SRGAP2: variants seen among roughly 807,000 people sequenced by gnomAD.
SRGAP2 encodes the protein SLIT-ROBO Rho GTPase activating protein 2.
A neutral mutation model predicts 57.2 loss-of-function variants in SRGAP2; 15 were observed. The ratio of observed to expected loss-of-function variants is 0.26; its 90% CI spans 0.18 to 0.40. SRGAP2 has a LOEUF of 0.40. Ranked by LOEUF, SRGAP2 falls within the 10% of genes least tolerant of loss-of-function variation. The pLI is 1.00. For synonymous variants in SRGAP2, 249 were observed against 248.0 expected (o/e 1.00, Z -0.04); for missense variants, 520 against 669.6 (o/e 0.78, Z 2.47).
rs781925834 is a variant in SRGAP2, at chr1:206,461,018, C to T, written c.2833-19C>T. 1 of 676,956 alleles carries T rather than the reference C, an allele frequency of 1.5e-6. No individual in the cohort carries two copies. The highest frequency in any genetic ancestry group is 2.7e-6 in the Non-Finnish European group (1 of 368,452). 41.9% of individuals were successfully genotyped at this position (676,956 alleles called of 1,614,324 possible). A position where few individuals can be genotyped will look rare whatever the true frequency, so the allele number is the denominator to read the frequency against. On this transcript the variant is annotated intron_variant, in intron 22 of 22. Coordinates refer to ENST00000573034, the MANE Select transcript of SRGAP2 (RefSeq NM_015326.5). ...TCTCCCCTCATTTGCCTCACCTCCT[C>T]CTTTTTCCTGTTTTGCAGGATATTG...
chr1:206,216,445 T>A (rs1227201117), intron 2 of SRGAP2, among the ~76,000 whole-genome samples: 13 of 151,386 alleles, frequency 8.6e-5, no homozygotes, highest in East Asian at 5.9e-4. Flanking sequence ...TTGAGAAAGT[T>A]TGTCTGTCTT....
intron 3 of SRGAP2, among the ~76,000 whole-genome samples, chr1:206,310,170 GT>G (rs1238371935): frequency 6.7e-6 from 1 of 149,242 alleles, no homozygotes; most frequent in African/African-American, 2.6e-5. Context: ...AAATTGCTGG[GT>G]TTTTTTGTAA....
intron 14 of SRGAP2, 43 bp from the exon 15 acceptor site, chr1:206,436,922 T>G: frequency 1.3e-6 from 1 of 780,318 alleles, no homozygotes. Flanking sequence ...TGCTTGTGAA[T>G]TTGCTTTTTC....
rs868982984 is a variant in SRGAP2 at position 206,378,863 on chromosome 1, T to G, written c.424-5151T>G. 4.5e-4 allele frequency among the ~76,000 whole-genome samples: 68 copies of G among 152,142 alleles called. 1 individual carries two copies. Among genetic ancestry groups the G allele is most frequent in the Middle Eastern group, 3.2e-3 (1 of 316 alleles). ...CAAGAACCCACCAGAAGGAACCAAC[T>G]CCGGACACATAAGTACTTTTATTAT... is the stretch of plus-strand genomic sequence containing the variant. On this transcript the variant is annotated intron_variant, in intron 4 of 22. Transcript: ENST00000573034.
intron 14 of SRGAP2, among the ~76,000 whole-genome samples, chr1:206,434,420 T>C (rs2103306738): frequency 6.6e-6 from 1 of 152,378 alleles, no homozygotes; most frequent in Admixed American, 6.5e-5. Context: ...TTGGATCCCG[T>C]GCACAATGGA....
Position 206,461,100 on chromosome 1 carries a change from G to A in SRGAP2, c.2896G>A (p.Val966Ile). Residue 966 changes from valine (V) to isoleucine (I), a missense_variant, in exon 23 of 23, where the codon GTC (valine) becomes ATC (isoleucine). By Grantham distance (29) the Val-to-Ile change is conservative. This residue lies in a region of SRGAP2 where 478 missense variants were observed against 373.6 expected (regional missense o/e 1.28). Transcript: ENST00000573034. The stretch of plus-strand genomic sequence containing the variant: ...ACGGGAACTAGAACGGCAGAGCAGT[G>A]TCAAACACACCCCTGACGTGGTTCT... ...ELRELERQSS[V>I]KHTPDVVLDT... 1.3e-6 allele frequency: 1 copy of A among 775,342 alleles called. No individual in the cohort carries two copies. Among genetic ancestry groups the A allele is most frequent in the Admixed American group, 1.7e-5 (1 of 58,496 alleles). 48.0% of individuals were successfully genotyped at this position (775,342 alleles called of 1,614,324 possible). A position where few individuals can be genotyped will look rare whatever the true frequency, so the allele number is the denominator to read the frequency against.
intron 2 of SRGAP2, among the ~76,000 whole-genome samples, chr1:206,227,065 CCT>C (rs1667317798): frequency 1.3e-5 from 2 of 151,918 alleles, no homozygotes; most frequent in African/African-American, 4.8e-5. Context: ...CATTGGGGAA[CCT>C]CTTGGGCTCT....
chr1:206,410,302 ATCT>A (rs1259775268), intron 10 of SRGAP2, among the ~76,000 whole-genome samples: 3 of 152,116 alleles, frequency 2.0e-5, no homozygotes, highest in Middle Eastern at 3.2e-3. Flanking sequence ...ATGTTTCCTG[ATCT>A]TCTTGGCTTT....
rs201058533 is a variant in SRGAP2, at chr1:206,414,029, C to CTTT, written c.1357-1859_1357-1857dup. 8.0e-4 allele frequency among the ~76,000 whole-genome samples: 116 copies of CTTT among 145,140 alleles called. 2 individuals carry two copies. The highest frequency in any genetic ancestry group is 1.9e-3 in the African/African-American group (70 of 37,766). ...ATTTGTTCACTTTTCTTTTCTTTTT[C>CTTT]TTTCTTTTTTTTTTTTTTTTGAGAC... On this transcript the variant is annotated intron_variant, in intron 10 of 22. Coordinates refer to ENST00000573034, the MANE Select transcript of SRGAP2 (RefSeq NM_015326.5).
At chr1:206,394,273 C>T (rs1229226234) in intron 7 of SRGAP2, among the ~76,000 whole-genome samples, 1 of 151,030 alleles carries the variant, frequency 6.6e-6, no homozygotes, top group Non-Finnish European at 1.5e-5. Context: ...TCTGGAACTC[C>T]TCACCTCAGG....
intron 3 of SRGAP2, among the ~76,000 whole-genome samples, chr1:206,337,846 A>G (rs1425013423): frequency 7.1e-6 from 1 of 141,666 alleles, no homozygotes; most frequent in Non-Finnish European, 1.5e-5. Flanking sequence ...ATGGAAAAGA[A>G]CCATAATAGA....
Position 206,329,684 on chromosome 1 carries a change from A to G in SRGAP2, c.261-13162A>G, listed in dbSNP as rs1455164032. Among the ~76,000 whole-genome samples, 375 of 141,420 alleles carry G rather than the reference A, an allele frequency of 2.7e-3. 3 individuals are homozygous for G. The highest frequency in any genetic ancestry group is 9.4e-3 in the African/African-American group (356 of 37,930). The allele number at this position is 141,420 out of a possible 152,430, so 92.8% of individuals were successfully genotyped here. On this transcript the variant is annotated intron_variant, in intron 3 of 22. Coordinates refer to ENST00000573034, the MANE Select transcript of SRGAP2 (RefSeq NM_015326.5). The stretch of plus-strand genomic sequence containing the variant: ...TCCTGAGACTTTGCTGAAGTTGCTT[A>G]TCAGCTTAAGGAGATTTTGGGCTGA...
rs374718819 is a variant in SRGAP2, at chr1:206,440,008, A to T, written c.1801A>T (p.Ile601Phe). The part of the protein sequence containing the change: ...MDNLQERALH[I>F]RKVLLVLPKT... Reference sequence around the variant, plus strand: ...CAACCTGCAGGAGAGAGCTCTGCACATCCGGAAAGTCCTCCTAGTCCTGCC... The same window carrying T: ...CAACCTGCAGGAGAGAGCTCTGCACTTCCGGAAAGTCCTCCTAGTCCTGCC... Residue 601 changes from isoleucine (I) to phenylalanine (F), a missense_variant, in exon 17 of 23, where the codon ATC becomes TTC. Physicochemically the swap from Ile to Phe is conservative, Grantham distance 21 (BLOSUM62 0). Around this residue, in one of 5 missense-constraint regions of SRGAP2, gnomAD observed 478 missense variants for 373.6 expected, o/e 1.28. Coordinates refer to ENST00000573034, the MANE Select transcript of SRGAP2 (RefSeq NM_015326.5). 1.3e-6 allele frequency: 1 copy of T among 780,750 alleles called. No homozygotes were observed. Among genetic ancestry groups the T allele is most frequent in the Non-Finnish European group, 2.4e-6 (1 of 417,972 alleles). The allele number at this position is 780,750 out of a possible 1,614,324, so 48.4% of individuals were successfully genotyped here.
intron 2 of SRGAP2, among the ~76,000 whole-genome samples, chr1:206,234,441 T>C (rs1667809118): frequency 1.3e-5 from 2 of 152,132 alleles, no homozygotes; most frequent in African/African-American, 2.4e-5. Context: ...ATCCCTGGCC[T>C]CCATCTTTAC....
At chr1:206,281,630 T>G (rs1670740039) in intron 2 of SRGAP2, among the ~76,000 whole-genome samples, 1 of 108,760 alleles carries the variant, frequency 9.2e-6, no homozygotes. Context: ...GTCAGGAGTT[T>G]GAGACCAGCC....
At position 206,372,961 on chromosome 1, in the gene SRGAP2, T is replaced by TTTCTTTCTTTCC. The variant is rs1654753673; in HGVS notation, c.424-11050_424-11049insTTTCTTTCCTTC. On this transcript the variant is annotated intron_variant, in intron 4 of 22. Transcript: ENST00000573034. Reference sequence around the variant, plus strand: ...TTTCTTTCTTTCTTTCTTTCTTTTCTTTCCTTTCTTTCTTTCTTTCTTTCT... The same window carrying TTTCTTTCTTTCC: ...TTTCTTTCTTTCTTTCTTTCTTTTCTTTCTTTCTTTCCTTCCTTTCTTTCTTTCTTTCTTTCT... Among the ~76,000 whole-genome samples the TTTCTTTCTTTCC allele has an allele frequency of 5.4e-4, 6 of 11,044 alleles. 1 individual carries two copies. The South Asian group carries it at 0.014, about 26-fold the overall frequency. 7.2% of individuals were successfully genotyped at this position (11,044 alleles called of 152,430 possible). A position where few individuals can be genotyped will look rare whatever the true frequency, so the allele number is the denominator to read the frequency against.
intron 18 of SRGAP2, among the ~76,000 whole-genome samples, chr1:206,447,406 A>G (rs1662851982): frequency 6.6e-6 from 1 of 152,176 alleles, no homozygotes; most frequent in Non-Finnish European, 1.5e-5. Context: ...TTGCCCAAGG[A>G]GTGAAGAAAG....
intron 2 of SRGAP2, among the ~76,000 whole-genome samples, chr1:206,226,924 T>G (rs1468668591): frequency 6.6e-6 from 1 of 150,526 alleles, no homozygotes; most frequent in Non-Finnish European, 1.5e-5. Context: ...GTGACTTGGG[T>G]AGGGTAGACA....
chr1:206,263,913 CTT>C (rs1408060113), intron 2 of SRGAP2, among the ~76,000 whole-genome samples: 1 of 150,602 alleles, frequency 6.6e-6, no homozygotes, highest in Non-Finnish European at 1.5e-5. Context: ...TTATTAATGA[CTT>C]TTAATATTTC....
Sources: gnomAD v4.1 joint callset for allele counts (sites outside exome capture counted in the v4.1 genomes callset) on GRCh38, gnomAD v4.1.1 for gene constraint, gnomAD v4.1.1 regional missense constraint, MANE v1.5 for transcripts, NCBI Gene and HGNC (gene_info 2026-07-23, HGNC 2026-07-21) for gene names.